The following CHRM3 variants were observed in gnomAD, a reference collection of about 807,000 sequenced individuals.
CHRM3 encodes cholinergic receptor muscarinic 3, also known as muscarinic acetylcholine receptor M3.
CHRM3 carries 11 observed loss-of-function variants against 41.8 expected under a neutral mutation model. The observed-to-expected ratio is 0.26, with a 90% CI of 0.17 to 0.44. The LOEUF (loss-of-function observed/expected upper bound fraction) is 0.44. Among genes scored for constraint, CHRM3 ranks in the 20% least tolerant of loss-of-function variants. The pLI, the probability that CHRM3 is intolerant of heterozygous loss-of-function variation, is 1.00. For missense variants in CHRM3, 571 were observed against 745.4 expected (o/e 0.77, Z 2.72); for synonymous variants, 297 against 301.4 (o/e 0.99, Z 0.15).
intron 4 of CHRM3, among the ~76,000 whole-genome samples, chr1:239,652,895 G>C (rs1672366953): frequency 6.6e-6 from 1 of 152,208 alleles, no homozygotes; most frequent in African/African-American, 2.4e-5. Context: ...TAGAAGTTAA[G>C]ATGGCAGATC....
chr1:239,468,900 T>C, intron 1 of CHRM3, among the ~76,000 whole-genome samples: 1 of 152,062 alleles, frequency 6.6e-6, no homozygotes, highest in Non-Finnish European at 1.5e-5. Flanking sequence ...CTACAAAAGG[T>C]CAATAAATCC....
At chr1:239,810,395 G>A (rs1187009228) in intron 5 of CHRM3, among the ~76,000 whole-genome samples, 2 of 152,184 alleles carry the variant, frequency 1.3e-5, no homozygotes, top group Non-Finnish European at 2.9e-5. Context: ...AGGGGACCAC[G>A]CTGCTTGTCT....
At chr1:239,549,306 A>G (rs1468746581) in intron 3 of CHRM3, among the ~76,000 whole-genome samples, 4 of 152,040 alleles carry the variant, frequency 2.6e-5, no homozygotes, top group Non-Finnish European at 5.9e-5. Flanking sequence ...TATGGTCATT[A>G]TATATATTTG....
intron 1 of CHRM3, among the ~76,000 whole-genome samples, chr1:239,391,968 C>T (rs748545814): frequency 1.3e-5 from 2 of 152,030 alleles, no homozygotes; most frequent in Non-Finnish European, 2.9e-5. Context: ...TCTCATGCCC[C>T]CCTCACCTCA....
intron 6 of CHRM3, among the ~76,000 whole-genome samples, chr1:239,839,716 A>C (rs1165925731): frequency 6.6e-6 from 1 of 151,894 alleles, no homozygotes; most frequent in Admixed American, 6.6e-5. Context: ...TTATACAGAA[A>C]GAAGAAAGGG....
Position 239,421,186 on chromosome 1 carries a change from A to C in CHRM3, c.-521+33959A>C, listed in dbSNP as rs1025939254. Reference sequence around the variant, plus strand: ...GGCATACCATACATTGGTTTGTCATAAAATGACACAGTTCTGCCGTATGTT... The same window carrying C: ...GGCATACCATACATTGGTTTGTCATCAAATGACACAGTTCTGCCGTATGTT... On this transcript the variant is annotated intron_variant, in intron 1 of 6. Transcript: ENST00000676153. Among the ~76,000 whole-genome samples the C allele has an allele frequency of 3.9e-5, 6 of 152,226 alleles. 1 individual carries two copies. Among genetic ancestry groups the C allele is most frequent in the Non-Finnish European group, 8.8e-5 (6 of 68,026 alleles).
intron 6 of CHRM3, among the ~76,000 whole-genome samples, chr1:239,849,802 A>G (rs1674558245): frequency 6.6e-6 from 1 of 152,202 alleles, no homozygotes; most frequent in African/African-American, 2.4e-5. Flanking sequence ...AAATTAAGAC[A>G]GAATGCTTTT....
intron 5 of CHRM3, among the ~76,000 whole-genome samples, chr1:239,717,798 G>A (rs2148301427): frequency 6.6e-6 from 1 of 152,086 alleles, no homozygotes; most frequent in South Asian, 2.1e-4. Flanking sequence ...CATTCCTTGG[G>A]GCCGTGTCCT....
At chr1:239,661,383 G>C (rs1032172621) in intron 4 of CHRM3, among the ~76,000 whole-genome samples, 1 of 152,246 alleles carries the variant, frequency 6.6e-6, no homozygotes, top group African/African-American at 2.4e-5. Context: ...TGAGTTTTAG[G>C]TTCTAAAGTC....
chr1:239,894,966 T>C (rs924039502), intron 6 of CHRM3, among the ~76,000 whole-genome samples: 11 of 152,176 alleles, frequency 7.2e-5, no homozygotes, highest in African/African-American at 2.7e-4. Flanking sequence ...GCCTTCAGTA[T>C]ATGGCAAGCA....
In CHRM3 at chr1:239,631,153, C is replaced by A. The variant is rs371192488; in HGVS notation, c.-312-1071C>A. Among the ~76,000 whole-genome samples the A allele has an allele frequency of 3.1e-4, 47 of 152,274 alleles. No homozygotes were observed. The South Asian group carries it at 9.4e-3, about 30-fold the overall frequency. On this transcript the variant is annotated intron_variant, in intron 3 of 6. Transcript: ENST00000676153. ...GAGCAATTACTCTTGTCCCCCATAT[C>A]CTTTGCATATTAATACTTTTAAAAG...
chr1:239,735,445 T>C (rs546780868), intron 5 of CHRM3, among the ~76,000 whole-genome samples: 2 of 152,148 alleles, frequency 1.3e-5, no homozygotes, highest in African/African-American at 4.8e-5. Flanking sequence ...GCTTTTATTA[T>C]TTATTCTTTT....
chr1:239,398,033 A>G (rs1659644950), intron 1 of CHRM3, among the ~76,000 whole-genome samples: 1 of 152,060 alleles, frequency 6.6e-6, no homozygotes, highest in Admixed American at 6.6e-5. Context: ...CATTTAAGAA[A>G]TAGTTCTGTT....
chr1:239,825,730 T>C (rs1037540809), intron 5 of CHRM3, among the ~76,000 whole-genome samples: 1 of 152,176 alleles, frequency 6.6e-6, no homozygotes, highest in African/African-American at 2.4e-5. Context: ...TTTTTTTTAT[T>C]TGGAGACAGG....
chr1:239,426,203 G>A (rs1229007691), intron 1 of CHRM3, among the ~76,000 whole-genome samples: 1 of 134,218 alleles, frequency 7.5e-6, no homozygotes, highest in Admixed American at 8.5e-5. Flanking sequence ...ACAGGTGCTG[G>A]AGAGGATGTG....
chr1:239,740,197 C>G (rs918520420), intron 5 of CHRM3, among the ~76,000 whole-genome samples: 2 of 152,072 alleles, frequency 1.3e-5, no homozygotes, highest in South Asian at 4.2e-4. Flanking sequence ...AATAATACAA[C>G]GGAATAGGAT....
rs553462011 is a variant in CHRM3, at chr1:239,719,277, A to G, written c.-147+40989A>G. ...TGGTGTTAGTGGTGTTGGCAGAATT[A>G]GTCCCCTGCTCTTGGTTATACCTGT... On this transcript the variant is annotated intron_variant, in intron 5 of 6. Transcript: ENST00000676153. 2.6e-5 allele frequency: 4 copies of G among 152,146 alleles called. No individual in the cohort carries two copies. The East Asian group carries it at 7.8e-4, about 30-fold the overall frequency. The allele number at this position is 152,146 out of a possible 1,614,324, so 9.4% of individuals were successfully genotyped here. A position where few individuals can be genotyped will look rare whatever the true frequency, so the allele number is the denominator to read the frequency against.
chr1:239,818,489 T>C (rs191173786), intron 5 of CHRM3, among the ~76,000 whole-genome samples: 1 of 152,282 alleles, frequency 6.6e-6, no homozygotes. Context: ...TTAAAGCATA[T>C]GGATGCGTCT....
At chr1:239,446,449 A>T (rs1664161555) in intron 1 of CHRM3, among the ~76,000 whole-genome samples, 1 of 152,238 alleles carries the variant, frequency 6.6e-6, no homozygotes, top group Admixed American at 6.5e-5. Flanking sequence ...TAAGCACCTC[A>T]TAGATTAGTG....
Sources: allele counts gnomAD v4.1 joint callset (sites outside exome capture counted in the v4.1 genomes callset), GRCh38; gene constraint gnomAD v4.1.1; transcripts MANE v1.5; gene names NCBI Gene and HGNC (gene_info 2026-07-23, HGNC 2026-07-21).